GYG1: variants seen among roughly 807,000 people sequenced by gnomAD.
GYG1 encodes the protein glycogenin 1.
GYG1 carries 44 observed loss-of-function variants against 41.9 expected under a neutral mutation model. The ratio of observed to expected loss-of-function variants is 1.05; its 90% CI spans 0.83 to 1.35. The LOEUF is 1.35. GYG1 is among the 40% of genes most tolerant of loss of function. The pLI, the probability that GYG1 is intolerant of heterozygous loss-of-function variation, is 0.00. For missense variants in GYG1, 429 were observed against 418.9 expected (o/e 1.02, Z -0.21); for synonymous variants, 141 against 158.1 (o/e 0.89, Z 0.81).
Position 149,028,819 on chromosome 3 carries a change from C to A in GYG1, c.*1886C>A, listed in dbSNP as rs1322710455. The stretch of plus-strand genomic sequence containing the variant: ...CACTGCAACCTCTGCCTCCTGGATT[C>A]AAGAGATTCTCCTACCTCAGCCTCC... On this transcript the variant is annotated 3_prime_UTR_variant, in exon 8 of 8. Transcript: ENST00000345003. 6.7e-6 allele frequency among the ~76,000 whole-genome samples: 1 copy of A among 148,814 alleles called. No individual in the cohort carries two copies. Among genetic ancestry groups the A allele is most frequent in the Non-Finnish European group, 1.5e-5 (1 of 67,696 alleles).
At position 148,991,540 on chromosome 3, in the gene GYG1, T is replaced by C; in HGVS notation, c.-101T>C. On this transcript the variant is annotated 5_prime_UTR_variant, in exon 1 of 8. Transcript: ENST00000345003. Reference sequence around the variant, plus strand: ...AGAGCGCACGGGGCAGACGCTCGGTTCCCCGCCGTGCCTCCTCGCTGGCCG... The same window carrying C: ...AGAGCGCACGGGGCAGACGCTCGGTCCCCCGCCGTGCCTCCTCGCTGGCCG... 2 of 1,459,552 alleles carry C rather than the reference T, an allele frequency of 1.4e-6. No homozygotes were observed. Among genetic ancestry groups the C allele is most frequent in the East Asian group, 2.5e-5 (1 of 39,984 alleles). The allele number at this position is 1,459,552 out of a possible 1,614,324, so 90.4% of individuals were successfully genotyped here. A position where few individuals can be genotyped will look rare whatever the true frequency, so the allele number is the denominator to read the frequency against.
chr3:149,017,228 G>T (rs1322484951), intron 5 of GYG1, among the ~76,000 whole-genome samples: 1 of 152,154 alleles, frequency 6.6e-6, no homozygotes, highest in African/African-American at 2.4e-5. Context: ...TATTATTGCT[G>T]GCTTGTGTTC....
chr3:149,026,333 G>T, intron 6 of GYG1, 119 bp from the exon 7 acceptor site: 1 of 775,178 alleles, frequency 1.3e-6, no homozygotes, highest in Admixed American at 1.7e-5. Flanking sequence ...AATGTAGCCT[G>T]TTGGGTATCA....
In GYG1 at chr3:149,003,113, A is replaced by AT. The variant is rs1346800941; in HGVS notation, c.482-6163_482-6162insT. 1.1e-4 allele frequency among the ~76,000 whole-genome samples: 12 copies of AT among 107,096 alleles called. 1 individual carries two copies. The highest frequency in any genetic ancestry group is 4.6e-4 in the African/African-American group (12 of 26,258). 70.3% of individuals were successfully genotyped at this position (107,096 alleles called of 152,430 possible). A position where few individuals can be genotyped will look rare whatever the true frequency, so the allele number is the denominator to read the frequency against. On this transcript the variant is annotated intron_variant, in intron 4 of 7. Transcript: ENST00000345003. ...TACAATATAAAGCATATTTTACTAT[A>AT]ATTTTTTTTTTTTTTTTTTGAGATG...
At chr3:149,008,130 G>A (rs2107901050) in intron 4 of GYG1, 1 of 152,284 alleles carries the variant, frequency 6.6e-6, no homozygotes, top group South Asian at 2.1e-4. Context: ...TGCACCATAG[G>A]GGTAATGTGG....
chr3:149,006,081 T>TC (rs948393322), intron 4 of GYG1, among the ~76,000 whole-genome samples: 1 of 50,608 alleles, frequency 2.0e-5, no homozygotes, highest in African/African-American at 1.3e-4. Context: ...CATCATATTC[T>TC]TTTTTTTTTT....
At chr3:149,005,623 T>C (rs71304437) in intron 4 of GYG1, among the ~76,000 whole-genome samples, 4,074 of 152,228 alleles carry the variant, frequency 0.027, 70 homozygotes, top group South Asian at 0.053. Flanking sequence ...CCATAAATAA[T>C]TTGCCTATGT....
chr3:148,991,830 C>T (rs559070701), intron 1 of GYG1, among the ~76,000 whole-genome samples, 183 bp downstream of exon 1: 1 of 152,232 alleles, frequency 6.6e-6, no homozygotes, highest in Non-Finnish European at 1.5e-5. Context: ...CGCCGCCCCC[C>T]AGAGTGCAGG....
chr3:149,010,319 G>A (rs1055672189), intron 5 of GYG1, among the ~76,000 whole-genome samples: 19 of 149,956 alleles, frequency 1.3e-4, no homozygotes, highest in Non-Finnish European at 2.5e-4. Context: ...ACAGTCCCTG[G>A]TGCAGTTCTT....
intron 7 of GYG1, 45 bp downstream of exon 7, chr3:149,026,547 A>G (rs532240483): frequency 8.2e-6 from 10 of 1,223,610 alleles, no homozygotes; most frequent in East Asian, 4.6e-5. Flanking sequence ...TGTTCTCCCA[A>G]TGTTTTCACT....
intron 5 of GYG1, among the ~76,000 whole-genome samples, chr3:149,015,214 G>A (rs570789911): frequency 1.3e-5 from 2 of 152,300 alleles, no homozygotes; most frequent in African/African-American, 2.4e-5. Flanking sequence ...GGTTTTAGAT[G>A]TATGAAGTCT....
chr3:149,008,042 G>C (rs1713503549), intron 4 of GYG1: 1 of 152,256 alleles, frequency 6.6e-6, no homozygotes, highest in Non-Finnish European at 1.5e-5. Flanking sequence ...ACACTTTGCT[G>C]TATCATTGTA....
At chr3:149,012,181 G>A (rs1713770387) in intron 5 of GYG1, among the ~76,000 whole-genome samples, 1 of 152,068 alleles carries the variant, frequency 6.6e-6, no homozygotes, top group African/African-American at 2.4e-5. Flanking sequence ...TAGTCCAAAT[G>A]TTTTTTAAAT....
At chr3:149,019,139 T>G (rs148212538) in intron 5 of GYG1, among the ~76,000 whole-genome samples, 18 of 152,078 alleles carry the variant, frequency 1.2e-4, no homozygotes, top group African/African-American at 3.9e-4. Context: ...CATTCCTTAC[T>G]GGACAGAAAC....
chr3:149,002,340 C>G (rs1713136910), intron 4 of GYG1, among the ~76,000 whole-genome samples: 1 of 152,180 alleles, frequency 6.6e-6, no homozygotes. Flanking sequence ...AGAGTCCAGA[C>G]TAGGAGGACC....
chr3:149,022,092 C>T (rs995201405), intron 5 of GYG1, among the ~76,000 whole-genome samples: 1 of 152,218 alleles, frequency 6.6e-6, no homozygotes, highest in African/African-American at 2.4e-5. Flanking sequence ...ACTATCTTAG[C>T]ACCTCTGCTC....
At chr3:148,995,074 G>T (rs1047148968) in intron 2 of GYG1, among the ~76,000 whole-genome samples, 1 of 152,136 alleles carries the variant, frequency 6.6e-6, no homozygotes, top group Non-Finnish European at 1.5e-5. Flanking sequence ...GCATGGTGGC[G>T]CGTGCCTGTG....
intron 5 of GYG1, among the ~76,000 whole-genome samples, chr3:149,014,783 G>A (rs934177700): frequency 6.6e-6 from 1 of 151,558 alleles, no homozygotes; most frequent in Non-Finnish European, 1.5e-5. Flanking sequence ...CAGAAGAATG[G>A]CTTGAACCAG....
At chr3:148,992,078 T>C (rs1239052606) in intron 1 of GYG1, among the ~76,000 whole-genome samples, 2 of 151,702 alleles carry the variant, frequency 1.3e-5, no homozygotes, top group African/African-American at 2.4e-5. Flanking sequence ...AAGCAGGGGC[T>C]CCGAGGCGGG....
Sources: allele counts gnomAD v4.1 joint callset (sites outside exome capture counted in the v4.1 genomes callset), GRCh38; gene constraint gnomAD v4.1.1; transcripts MANE v1.5; gene names NCBI Gene and HGNC (gene_info 2026-07-23, HGNC 2026-07-21).